MUC5B: variants seen among roughly 807,000 people sequenced by gnomAD.
MUC5B encodes the protein mucin 5B, oligomeric mucus/gel-forming.
A neutral mutation model predicts 376.9 loss-of-function variants in MUC5B; 116 were observed. The observed-to-expected ratio is 0.31, with a 90% CI of 0.26 to 0.36. MUC5B has a LOEUF of 0.36. Among genes scored for constraint, MUC5B ranks in the 10% least tolerant of loss-of-function variants. The probability of loss-of-function intolerance (pLI) is 1.00; values close to 1 mark genes in which losing one functional copy is unlikely to be tolerated. For synonymous variants in MUC5B, 3,517 were observed against 3,390.9 expected (o/e 1.04, Z -1.29); for missense variants, 7,165 against 7,769.9 (o/e 0.92, Z 2.93).
In MUC5B at chr11:1,246,457, C is replaced by A. The variant is rs764880466; in HGVS notation, c.9577C>A (p.Leu3193Ile). The A allele has an allele frequency of 6.2e-7, 1 of 1,613,528 alleles. No homozygotes were observed. ...ASSTRATAGTLKVLTSTATTP... is the reference protein window; with the variant it reads ...ASSTRATAGTIKVLTSTATTP... The stretch of plus-strand genomic sequence containing the variant: ...CTCCACCCGGGCAACTGCTGGCACC[C>A]TCAAAGTGCTGACCAGCACGGCCAC... The change falls in exon 31 of 49, where the codon CTC becomes ATC. Residue 3193 changes from leucine (L) to isoleucine (I), a missense_variant. This residue lies in a region of MUC5B where 939 missense variants were observed against 770.6 expected (regional missense o/e 1.22). Coordinates refer to ENST00000529681, the MANE Select transcript of MUC5B (RefSeq NM_002458.3).
chr11:1,236,830 C>T (rs56131176), intron 24 of MUC5B, 95 bp from the exon 25 acceptor site: 40,460 of 1,378,378 alleles, frequency 0.029, 756 homozygotes, highest in Non-Finnish European at 0.032. Context: ...CCTCCATCCC[C>T]CGAGGGCTCT....
In MUC5B at chr11:1,236,511, G is replaced by T. The variant is rs751624393; in HGVS notation, c.3006G>T (p.Val1002=). 1.9e-6 allele frequency: 3 copies of T among 1,613,026 alleles called. No individual in the cohort carries two copies. The African/African-American group carries it at 4.0e-5, about 22-fold the overall frequency. Residue 1002 remains valine (V), a synonymous_variant, in exon 24 of 49, where the codon GTG becomes GTT. Coordinates refer to ENST00000529681, the MANE Select transcript of MUC5B (RefSeq NM_002458.3). Reference sequence around the variant, plus strand: ...TCATCGAGACCCACGGGATGGCCGTGTCCTGGGACCGGAAGACCAGCGTGT... The same window carrying T: ...TCATCGAGACCCACGGGATGGCCGTTTCCTGGGACCGGAAGACCAGCGTGT... ...FLVIETHGMA[V]SWDRKTSVFI... is the part of the protein sequence containing the mutation.
Position 1,250,466 on chromosome 11 carries a change from C to G in MUC5B, c.13586C>G (p.Ser4529Cys). 1 of 1,595,254 alleles carries G rather than the reference C, an allele frequency of 6.3e-7. No homozygotes were observed. The highest frequency in any genetic ancestry group is 8.6e-7 in the Non-Finnish European group (1 of 1,164,124). ...ATSFTAIPSS[S>C]LGTTWTRLSQ... ...AGCTTTACAGCCATCCCCTCCTCCT[C>G]CCTGGGCACCACCTGGACCCGCCTA... is the stretch of plus-strand genomic sequence containing the variant. Residue 4529 changes from serine (S) to cysteine (C), a missense_variant, in exon 31 of 49, where the codon TCC (serine) becomes TGC (cysteine). By Grantham distance (112) the Ser-to-Cys change is moderately radical. Transcript: ENST00000529681.
In MUC5B at chr11:1,242,781, A is replaced by T. The variant is rs773821101; in HGVS notation, c.5901A>T (p.Ala1967=). 2 of 1,612,178 alleles carry T rather than the reference A, an allele frequency of 1.2e-6. No homozygotes were observed. The highest frequency in any genetic ancestry group is 1.7e-6 in the Non-Finnish European group (2 of 1,179,322). The change falls in exon 31 of 49, where the codon GCA becomes GCT. Residue 1967 remains alanine, a synonymous_variant. Coordinates refer to ENST00000529681, the MANE Select transcript of MUC5B (RefSeq NM_002458.3). Reference sequence around the variant, plus strand: ...CAGGGACTGCAACCGCCCTTCCAGCACTGAGAAGCACAGCCACCACACCCA... The same window carrying T: ...CAGGGACTGCAACCGCCCTTCCAGCTCTGAGAAGCACAGCCACCACACCCA... ...SSPGTATALP[A]LRSTATTPTA...
In MUC5B at chr11:1,245,411, C is replaced by A; in HGVS notation, c.8531C>A (p.Thr2844Lys). ...ACCTCCAGGACCACGGCCACGGCCA[C>A]ACCCAGCAAGACCCGCACCTCGACC... ...RATSRTTATA[T>K]PSKTRTSTLL... Residue 2844 changes from threonine to lysine, a missense_variant, in exon 31 of 49, where the codon ACA becomes AAA. Physicochemically the swap from Thr to Lys is moderately conservative, Grantham distance 78. This residue lies in a region of MUC5B where 50 missense variants were observed against 66.4 expected (regional missense o/e 0.75). Transcript: ENST00000529681. 2 of 1,562,274 alleles carry A rather than the reference C, an allele frequency of 1.3e-6. No homozygotes were observed. The highest frequency in any genetic ancestry group is 8.7e-7 in the Non-Finnish European group (1 of 1,151,746).
chr11:1,260,547 G>A (rs1862970949), intron 47 of MUC5B, 79 bp from the exon 48 acceptor site: 2 of 1,478,834 alleles, frequency 1.4e-6, no homozygotes, highest in Non-Finnish European at 1.9e-6. Flanking sequence ...GTGGTCCCAT[G>A]GGGAGGGTCG....
In MUC5B at chr11:1,240,102, G is replaced by A. The variant is rs768867398; in HGVS notation, c.3772+14G>A. Reference sequence around the variant, plus strand: ...ACAGCCTTGAGGGTAAGGAAGGGCCGGGGGGTTAGTGGGCCGGTGAAGGCT... The same window carrying A: ...ACAGCCTTGAGGGTAAGGAAGGGCCAGGGGGTTAGTGGGCCGGTGAAGGCT... On this transcript the variant is annotated intron_variant, in intron 29 of 48. Coordinates refer to ENST00000529681, the MANE Select transcript of MUC5B (RefSeq NM_002458.3). 30 of 1,561,432 alleles carry A rather than the reference G, an allele frequency of 1.9e-5. No individual in the cohort carries two copies. The highest frequency in any genetic ancestry group is 1.3e-4 in the South Asian group (11 of 82,696).
In MUC5B at chr11:1,245,451, C is replaced by T; in HGVS notation, c.8571C>T (p.Ser2857=). The change falls in exon 31 of 49, where the codon AGC becomes AGT. Residue 2857 remains serine, a synonymous_variant. Coordinates refer to ENST00000529681, the MANE Select transcript of MUC5B (RefSeq NM_002458.3). ...GCACCTCGACCCTGCTGCCCAGCAGCCCCACATCGGCCCCAATAACCACGG... is the reference window on the plus strand; with the variant it reads ...GCACCTCGACCCTGCTGCCCAGCAGTCCCACATCGGCCCCAATAACCACGG... ...KTRTSTLLPS[S]PTSAPITTVV... 4.0e-6 allele frequency: 6 copies of T among 1,483,530 alleles called. 1 individual carries two copies. The highest frequency in any genetic ancestry group is 1.2e-5 in the South Asian group (1 of 84,960). 91.9% of individuals were successfully genotyped at this position (1,483,530 alleles called of 1,614,324 possible). A position where few individuals can be genotyped will look rare whatever the true frequency, so the allele number is the denominator to read the frequency against.
Position 1,250,103 on chromosome 11 carries a change from C to A in MUC5B, c.13223C>A (p.Thr4408Lys). ...AATTTAATGP[T>K]ATPSSTPGTT... ...ACTACAACTGCAGCCACTGGCCCCA[C>A]GGCCACCCCGTCCTCCACCCCAGGG... Residue 4408 changes from threonine (T) to lysine (K), a missense_variant, in exon 31 of 49, where the codon ACG becomes AAG. By Grantham distance (78) the Thr-to-Lys change is moderately conservative. This residue lies in a region of MUC5B where 431 missense variants were observed against 390.4 expected (regional missense o/e 1.10). Coordinates refer to ENST00000529681, the MANE Select transcript of MUC5B (RefSeq NM_002458.3). The A allele has an allele frequency of 1.3e-6, 2 of 1,591,828 alleles. No homozygotes were observed. The highest frequency in any genetic ancestry group is 1.7e-6 in the Non-Finnish European group (2 of 1,168,840).
At position 1,227,446 on chromosome 11, in the gene MUC5B, C is replaced by T. The variant is rs375413595; in HGVS notation, c.667+48C>T. 269 of 1,437,728 alleles carry T rather than the reference C, an allele frequency of 1.9e-4. 1 individual carries two copies. In the East Asian group the frequency reaches 2.6e-3, roughly 14 times the overall value. 89.1% of individuals were successfully genotyped at this position (1,437,728 alleles called of 1,614,324 possible). On this transcript the variant is annotated intron_variant, in intron 6 of 48. Transcript: ENST00000529681. ...GGCGGTGACCAATTATGTCGGCCAA[C>T]GAAGAGCCACAGTCCCGGGGAGGCC...
rs199691144 is a variant in MUC5B, at chr11:1,247,904, C to T, written c.11024C>T (p.Pro3675Leu). Residue 3675 changes from proline (P) to leucine (L), a missense_variant, in exon 31 of 49, where the codon CCG (proline) becomes CTG (leucine). Physicochemically the swap from Pro to Leu is moderately conservative, Grantham distance 98 (BLOSUM62 -3). Around this residue, in one of 31 missense-constraint regions of MUC5B, gnomAD observed 90 missense variants for 71.1 expected, o/e 1.27. Coordinates refer to ENST00000529681, the MANE Select transcript of MUC5B (RefSeq NM_002458.3). ...CCNYGHCPST[P>L]ATSSTATPSS... Reference sequence around the variant, plus strand: ...AACTACGGCCACTGCCCCAGCACCCCGGCCACCAGCTCTACGGCCACGCCC... The same window carrying T: ...AACTACGGCCACTGCCCCAGCACCCTGGCCACCAGCTCTACGGCCACGCCC... 60 of 1,611,564 alleles carry T rather than the reference C, an allele frequency of 3.7e-5. 1 individual carries two copies. The highest frequency in any genetic ancestry group is 4.5e-5 in the East Asian group (2 of 44,882).
rs1336494095 is a variant in MUC5B, at chr11:1,230,528, G to A, written c.1398G>A (p.Leu466=). 6.2e-7 allele frequency: 1 copy of A among 1,611,302 alleles called. No individual in the cohort carries two copies. The highest frequency in any genetic ancestry group is 1.3e-5 in the African/African-American group (1 of 74,934). Residue 466 remains leucine, a synonymous_variant, in exon 12 of 49, where the codon CTG becomes CTA. Coordinates refer to ENST00000529681, the MANE Select transcript of MUC5B (RefSeq NM_002458.3). ...GCAGCTTCACCGTGCTGGCTGAGCT[G>A]CGGAAGTGCGGCCTGACGGACAACG... The part of the protein sequence containing the change: ...ADSSFTVLAE[L]RKCGLTDNEN...
Position 1,249,084 on chromosome 11 carries a change from C to T in MUC5B, c.12204C>T (p.Ser4068=). ...AGCACTCGACTCCAGCCCTGTCCAG[C>T]CCTCACCCTAGCAGCAGGACCACCG... ...TTQHSTPALS[S]PHPSSRTTES... is the part of the protein sequence containing the mutation. Residue 4068 remains serine (S), a synonymous_variant, in exon 31 of 49, where the codon AGC becomes AGT. Coordinates refer to ENST00000529681, the MANE Select transcript of MUC5B (RefSeq NM_002458.3). 3.1e-6 allele frequency: 5 copies of T among 1,611,044 alleles called. No homozygotes were observed. Among genetic ancestry groups the T allele is most frequent in the Middle Eastern group, 2.3e-4 (1 of 4,444 alleles).
intron 23 of MUC5B, among the ~76,000 whole-genome samples, chr11:1,236,163 C>T (rs1190264499): frequency 6.6e-6 from 1 of 152,170 alleles, no homozygotes; most frequent in Non-Finnish European, 1.5e-5. Flanking sequence ...TGCTCCCGTG[C>T]AGCCCCAAGG....
chr11:1,260,771 G>A (rs1429857206), intron 48 of MUC5B, 43 bp downstream of exon 48: 1 of 1,459,094 alleles, frequency 6.9e-7, no homozygotes, highest in Non-Finnish European at 9.5e-7. Context: ...CCTGCGTGTG[G>A]TGGGTCCGCC....
rs1862734667 is a variant in MUC5B at position 1,252,579 on chromosome 11, C to T, written c.15045+55C>T. 4 of 1,458,258 alleles carry T rather than the reference C, an allele frequency of 2.7e-6. No homozygotes were observed. In the South Asian group the frequency reaches 5.6e-5, roughly 20 times the overall value. The allele number at this position is 1,458,258 out of a possible 1,614,324, so 90.3% of individuals were successfully genotyped here. ...GCTGCGTGCACACGGTCTGGGTTGG[C>T]TGGAGGCACAGCCACAGTCCAGCTC... On this transcript the variant is annotated intron_variant, in intron 32 of 48. Transcript: ENST00000529681.
chr11:1,240,671 C>G (rs1862260475), intron 30 of MUC5B, among the ~76,000 whole-genome samples, 180 bp from the exon 31 acceptor site: 1 of 152,246 alleles, frequency 6.6e-6, no homozygotes. Context: ...GGCCAGGCTG[C>G]CAGGCCCCAG....
intron 7 of MUC5B, 86 bp downstream of exon 7, chr11:1,227,867 A>T: frequency 1.6e-6 from 1 of 639,612 alleles, no homozygotes; most frequent in Non-Finnish European, 2.9e-6. Flanking sequence ...GAATGTTCCC[A>T]GCTGGTGGAG....
chr11:1,252,354 T>C lies in MUC5B; in HGVS notation c.14875T>C (p.Tyr4959His). ...GTTGTTCTTCACAGGGGAAGTCATCTACAATAAGACCGACCGAGCCGGCTG... is the reference window on the plus strand; with the variant it reads ...GTTGTTCTTCACAGGGGAAGTCATCCACAATAAGACCGACCGAGCCGGCTG... The part of the protein sequence containing the change: ...GQFFSPGEVI[Y>H]NKTDRAGCHF... The change falls in exon 32 of 49, where the codon TAC (tyrosine) becomes CAC (histidine). Residue 4959 changes from tyrosine to histidine, a missense_variant. Around this residue, in one of 31 missense-constraint regions of MUC5B, gnomAD observed 730 missense variants for 592.7 expected, o/e 1.23. Coordinates refer to ENST00000529681, the MANE Select transcript of MUC5B (RefSeq NM_002458.3). The C allele has an allele frequency of 6.4e-7, 1 of 1,554,036 alleles. No individual in the cohort carries two copies. The highest frequency in any genetic ancestry group is 8.7e-7 in the Non-Finnish European group (1 of 1,148,782).
Sources: gnomAD v4.1 joint callset for allele counts (sites outside exome capture counted in the v4.1 genomes callset) on GRCh38, gnomAD v4.1.1 for gene constraint, gnomAD v4.1.1 regional missense constraint, MANE v1.5 for transcripts, NCBI Gene and HGNC (gene_info 2026-07-23, HGNC 2026-07-21) for gene names.